Variants in NARS1 observed in about 807,000 individuals in gnomAD.
NARS1 encodes asparagine--tRNA ligase, cytoplasmic.
A neutral mutation model predicts 79.2 loss-of-function variants in NARS1; 65 were observed. That is an observed-to-expected ratio of 0.82 (90% CI 0.67 to 1.01). NARS1 has a LOEUF of 1.01. Ranked by LOEUF, NARS1 falls within the 50% of genes least tolerant of loss-of-function variation. The pLI is 0.00. For missense variants in NARS1, 649 were observed against 673.8 expected, an observed-to-expected ratio of 0.96 and a Z score of 0.41; for synonymous variants, 229 against 238.8, an observed-to-expected ratio of 0.96 and a Z score of 0.38.
At chr18:57,609,883 TAAATA>T in intron 6 of NARS1, among the ~76,000 whole-genome samples, 1 of 151,134 alleles carries the variant, frequency 6.6e-6, no homozygotes, top group South Asian at 2.1e-4. Flanking sequence ...AAGGGAGAGA[TAAATA>T]AAATAAAAAT....
At chr18:57,619,066 A>G (rs892499010) in intron 2 of NARS1, among the ~76,000 whole-genome samples, 1 of 152,214 alleles carries the variant, frequency 6.6e-6, no homozygotes, top group Non-Finnish European at 1.5e-5. Context: ...GGGGATGCAC[A>G]GAAAAAGGAG....
At chr18:57,619,118 C>T (rs987985436) in intron 2 of NARS1, among the ~76,000 whole-genome samples, 1 of 151,946 alleles carries the variant, frequency 6.6e-6, no homozygotes, top group African/African-American at 2.4e-5. Flanking sequence ...AAAGAAGGAA[C>T]TTTTTTGTTG....
At chr18:57,605,521 C>T (rs376418370) in intron 11 of NARS1, among the ~76,000 whole-genome samples, 4 of 149,306 alleles carry the variant, frequency 2.7e-5, no homozygotes, top group African/African-American at 5.0e-5. Flanking sequence ...GCAGGAGAAT[C>T]GCTTGAATCC....
intron 7 of NARS1, 148 bp from the exon 8 acceptor site, chr18:57,607,813 GA>G: frequency 1.6e-6 from 1 of 631,680 alleles, no homozygotes; most frequent in South Asian, 2.1e-5. Context: ...GTTTTATATT[GA>G]TATTTTTACC....
chr18:57,609,712 A>G (rs1231531589), intron 6 of NARS1, among the ~76,000 whole-genome samples: 1 of 152,196 alleles, frequency 6.6e-6, no homozygotes, highest in Non-Finnish European at 1.5e-5. Flanking sequence ...GACCCACATC[A>G]CTTAAAAATA....
intron 11 of NARS1, among the ~76,000 whole-genome samples, chr18:57,604,066 G>A (rs117476817): frequency 9.2e-5 from 14 of 152,296 alleles, no homozygotes; most frequent in Admixed American, 2.6e-4. Context: ...TAGAGATAAG[G>A]AACCTGAGAG....
At chr18:57,609,643 A>G (rs1020073424) in intron 6 of NARS1, among the ~76,000 whole-genome samples, 200 bp from the exon 7 acceptor site, 6 of 152,274 alleles carry the variant, frequency 3.9e-5, no homozygotes, top group African/African-American at 1.4e-4. Flanking sequence ...AGACATATAC[A>G]TGTAAATATA....
At chr18:57,620,344 G>C (rs546609976) in intron 2 of NARS1, among the ~76,000 whole-genome samples, 22 of 152,078 alleles carry the variant, frequency 1.4e-4, no homozygotes, top group Middle Eastern at 6.8e-3. Flanking sequence ...AATGCCATGT[G>C]GTAAGAAAGA....
chr18:57,606,786 C>T, intron 9 of NARS1, 35 bp from the exon 10 acceptor site: 1 of 1,610,616 alleles, frequency 6.2e-7, no homozygotes. Context: ...CACTGCTTTT[C>T]TCCTGCACTG....
intron 11 of NARS1, among the ~76,000 whole-genome samples, chr18:57,604,311 G>A (rs899088627): frequency 2.6e-5 from 4 of 152,078 alleles, no homozygotes; most frequent in South Asian, 4.1e-4. Context: ...CTCAACACTC[G>A]GGAGGCCGAG....
At chr18:57,607,389 G>C in intron 8 of NARS1, 55 bp downstream of exon 8, 1 of 1,610,634 alleles carries the variant, frequency 6.2e-7, no homozygotes, top group Non-Finnish European at 8.5e-7. Flanking sequence ...CACTATTCAA[G>C]TTTCAAAACG....
In NARS1 at chr18:57,602,843, C is replaced by G. The variant is rs552069868; in HGVS notation, c.1352G>C (p.Arg451Pro). 6.2e-7 allele frequency: 1 copy of G among 1,614,050 alleles called. No individual in the cohort carries two copies. The highest frequency in any genetic ancestry group is 1.7e-5 in the Admixed American group (1 of 59,996). ...PVEIKSFYMQRCPEDSRLTES... is the reference protein window; with the variant it reads ...PVEIKSFYMQPCPEDSRLTES... ...AGTAAGACGGGAATCCTCAGGACAT[C>G]GCTGCATGTAGAAGGACTTGATCTC... Residue 451 changes from arginine to proline, a missense_variant, in exon 12 of 14, where the codon CGA becomes CCA. Physicochemically the swap from Arg to Pro is moderately radical, Grantham distance 103. Coordinates refer to ENST00000256854, the MANE Select transcript of NARS1 (RefSeq NM_004539.4).
intron 7 of NARS1, among the ~76,000 whole-genome samples, chr18:57,607,943 C>G (rs1256709445): frequency 2.0e-5 from 3 of 151,242 alleles, no homozygotes; most frequent in Non-Finnish European, 4.4e-5. Flanking sequence ...TCTTGGCTCA[C>G]AGCAACCTCC....
At position 57,615,002 on chromosome 18, in the gene NARS1, G is replaced by A. The variant is rs1190267940; in HGVS notation, c.342+639C>T. On this transcript the variant is annotated intron_variant, in intron 4 of 13. Coordinates refer to ENST00000256854, the MANE Select transcript of NARS1 (RefSeq NM_004539.4). ...ACCAGCCCGGGCAATATGGGAGACT[G>A]TTTCTACAAAAATTAAAAATAAATA... 2.0e-5 allele frequency among the ~76,000 whole-genome samples: 3 copies of A among 151,590 alleles called. No individual in the cohort carries two copies. The East Asian group carries it at 5.8e-4, about 30-fold the overall frequency.
intron 6 of NARS1, among the ~76,000 whole-genome samples, chr18:57,611,001 C>G (rs1249270943): frequency 1.5e-5 from 2 of 137,784 alleles, no homozygotes; most frequent in Non-Finnish European, 3.0e-5. Context: ...AGGTTTCACT[C>G]TGTTGCCCAG....
chr18:57,617,975 A>G lies in NARS1; in HGVS notation c.94-2000T>C, dbSNP rs549925485. On this transcript the variant is annotated intron_variant, in intron 2 of 13. Transcript: ENST00000256854. ...TAGTTCATCCTTTTAACAACTAGAC[A>G]TTGTAAGAATACATGTAGGGGCCAG... Among the ~76,000 whole-genome samples the G allele has an allele frequency of 2.0e-4, 30 of 151,036 alleles. No individual in the cohort carries two copies. The East Asian group carries it at 5.9e-3, about 30-fold the overall frequency.
At chr18:57,617,299 A>G (rs651628) in intron 2 of NARS1, among the ~76,000 whole-genome samples, 145,791 of 152,130 alleles carry the variant, frequency 0.96, 70,173 homozygotes, top group East Asian at 1. Context: ...GAGGCCGGGC[A>G]TGGTGGCTCA....
At chr18:57,612,904 TC>T (rs2051615964) in intron 5 of NARS1, among the ~76,000 whole-genome samples, 1 of 152,202 alleles carries the variant, frequency 6.6e-6, no homozygotes, top group Non-Finnish European at 1.5e-5. Flanking sequence ...TGGCCAAGTT[TC>T]AGACTCAGAT....
rs952668155 is a variant in NARS1, at chr18:57,600,897, C to G, written c.*755G>C. On this transcript the variant is annotated 3_prime_UTR_variant, in exon 14 of 14. Coordinates refer to ENST00000256854, the MANE Select transcript of NARS1 (RefSeq NM_004539.4). ...TTTGGAACTTATTTATTCTTAATTA[C>G]TTAGGAATTACCAGGAAAGAGGGAA... 1 of 152,130 alleles carries G rather than the reference C, an allele frequency of 6.6e-6. No individual in the cohort carries two copies. The highest frequency in any genetic ancestry group is 1.5e-5 in the Non-Finnish European group (1 of 68,026). 9.4% of individuals were successfully genotyped at this position (152,130 alleles called of 1,614,324 possible).
Sources: gnomAD v4.1 joint callset for allele counts (sites outside exome capture counted in the v4.1 genomes callset) on GRCh38, gnomAD v4.1.1 for gene constraint, MANE v1.5 for transcripts, NCBI Gene and HGNC (gene_info 2026-07-23, HGNC 2026-07-21) for gene names.